TNRC6B: variants seen among roughly 807,000 people sequenced by gnomAD.
The protein encoded by TNRC6B is trinucleotide repeat containing adaptor 6B.
In TNRC6B, 52 loss-of-function variants were observed where a neutral mutation model predicts 203.6. The ratio of observed to expected loss-of-function variants is 0.26; its 90% CI spans 0.20 to 0.32. The LOEUF (loss-of-function observed/expected upper bound fraction) is 0.32. Among genes scored for constraint, TNRC6B ranks in the 10% least tolerant of loss-of-function variants. The probability of loss-of-function intolerance (pLI) is 1.00; values close to 1 mark genes in which losing one functional copy is unlikely to be tolerated. For synonymous variants in TNRC6B, 838 were observed against 845.7 expected (o/e 0.99, Z 0.16); for missense variants, 1,923 against 2,286.2 (o/e 0.84, Z 3.24).
intron 20 of TNRC6B, 95 bp downstream of exon 20, chr22:40,315,602 A>G: frequency 1.5e-6 from 2 of 1,351,144 alleles, no homozygotes; most frequent in Non-Finnish European, 2.0e-6. Flanking sequence ...TTCCCAAGAG[A>G]GGAAGTCATG....
chr22:40,078,326 A>G (rs1234568264), intron 1 of TNRC6B, among the ~76,000 whole-genome samples: 1 of 152,200 alleles, frequency 6.6e-6, no homozygotes, highest in Non-Finnish European at 1.5e-5. Context: ...GTTCAAGACC[A>G]GCCTGGGCAA....
chr22:40,113,211 G>T (rs1312626223), intron 1 of TNRC6B, among the ~76,000 whole-genome samples: 1 of 152,210 alleles, frequency 6.6e-6, no homozygotes, highest in African/African-American at 2.4e-5. Flanking sequence ...TGGACAGACA[G>T]TATTTTTACA....
chr22:40,150,756 A>T (rs2068744046), intron 3 of TNRC6B, among the ~76,000 whole-genome samples: 1 of 152,208 alleles, frequency 6.6e-6, no homozygotes, highest in African/African-American at 2.4e-5. Flanking sequence ...TGAAAGCCTG[A>T]CTTATATCTG....
At chr22:40,133,731 G>A (rs1036687302) in intron 3 of TNRC6B, among the ~76,000 whole-genome samples, 4 of 152,118 alleles carry the variant, frequency 2.6e-5, no homozygotes, top group African/African-American at 9.7e-5. Flanking sequence ...CACTTTGGGA[G>A]GCCGAGGCGA....
At position 40,125,848 on chromosome 22, in the gene TNRC6B, G is replaced by A. The variant is rs1197496714; in HGVS notation, c.31G>A (p.Glu11Lys). 3.1e-6 allele frequency: 5 copies of A among 1,612,624 alleles called. No homozygotes were observed. The Middle Eastern group carries it at 8.3e-4, about 266-fold the overall frequency. Reference sequence around the variant, plus strand: ...AACCAATGAGGGAGAAGTATCGGAAGAAAGCAGTTCCAAGGTCAGTAAATT... The same window carrying A: ...AACCAATGAGGGAGAAGTATCGGAAAAAAGCAGTTCCAAGGTCAGTAAATT... Residue 11 changes from glutamate to lysine, a missense_variant, in exon 3 of 24, where the codon GAA becomes AAA. Coordinates refer to the TNRC6B transcript ENST00000301923.
chr22:40,085,852 T>TG (rs1419585087), intron 1 of TNRC6B, among the ~76,000 whole-genome samples: 7 of 72,814 alleles, frequency 9.6e-5, no homozygotes, highest in Non-Finnish European at 1.7e-4. Context: ...TTGTTGCTGT[T>TG]GTTGTTGTTG....
intron 1 of TNRC6B, among the ~76,000 whole-genome samples, chr22:40,237,772 T>C (rs999518055): frequency 6.6e-6 from 1 of 152,138 alleles, no homozygotes; most frequent in Non-Finnish European, 1.5e-5. Context: ...AGATGCCCGC[T>C]ACGGACGCCT....
intron 1 of TNRC6B, among the ~76,000 whole-genome samples, chr22:40,100,314 T>C (rs113379469): frequency 0.057 from 8,655 of 151,780 alleles, 791 homozygotes; most frequent in African/African-American, 0.19. Flanking sequence ...GGTCTCGAAC[T>C]TCTGGCCTCA....
chr22:40,130,844 T>G (rs1445023449), intron 3 of TNRC6B, among the ~76,000 whole-genome samples: 2 of 144,910 alleles, frequency 1.4e-5, no homozygotes, highest in African/African-American at 5.2e-5. Flanking sequence ...GTTTACAAAA[T>G]ATCCAGGTAA....
chr22:40,280,157 T>G lies in TNRC6B; in HGVS notation c.3411+14T>G, dbSNP rs773883961. 1 of 1,609,148 alleles carries G rather than the reference T, an allele frequency of 6.2e-7. No individual in the cohort carries two copies. The stretch of plus-strand genomic sequence containing the variant: ...TATTTTGAGAAGGTGAGTTGAATCC[T>G]TTGTTTAAGATAATAATTCATGAGA... On this transcript the variant is annotated intron_variant, in intron 10 of 22. Coordinates refer to ENST00000454349, the MANE Select transcript of TNRC6B (RefSeq NM_001162501.2).
chr22:40,189,396 C>T (rs2069243383), intron 1 of TNRC6B, among the ~76,000 whole-genome samples: 1 of 151,656 alleles, frequency 6.6e-6, no homozygotes, highest in Non-Finnish European at 1.5e-5. Flanking sequence ...GAAGGCACAT[C>T]TCTCAACTAG....
chr22:40,260,076 C>T (rs538411858), intron 3 of TNRC6B, among the ~76,000 whole-genome samples: 3 of 151,858 alleles, frequency 2.0e-5, no homozygotes, highest in Non-Finnish European at 2.9e-5. Flanking sequence ...CACGGTTGCC[C>T]CGACATTCCC....
chr22:40,332,675 CAACAA>C lies in TNRC6B; in HGVS notation c.*9437_*9441del, dbSNP rs2043995676. On this transcript the variant is annotated 3_prime_UTR_variant, in exon 23 of 23. Transcript: ENST00000454349. ...TTAGATTGCCTTTAAACAAAAAAAA[CAACAA>C]AAAAATAAAATCCTGACGTTTCAAC... The C allele has an allele frequency of 6.6e-6, 1 of 152,254 alleles. No homozygotes were observed. The highest frequency in any genetic ancestry group is 6.6e-5 in the Admixed American group (1 of 15,246). The allele number at this position is 152,254 out of a possible 1,614,324, so 9.4% of individuals were successfully genotyped here.
At chr22:40,290,407 C>T (rs146922599) in intron 12 of TNRC6B, among the ~76,000 whole-genome samples, 210 of 152,296 alleles carry the variant, frequency 1.4e-3, no homozygotes, top group Non-Finnish European at 2.1e-3. Context: ...GCTGAGAATG[C>T]AAGGCAAAAG....
chr22:40,127,418 G>T (rs1391340260), intron 3 of TNRC6B, among the ~76,000 whole-genome samples: 2 of 152,006 alleles, frequency 1.3e-5, no homozygotes, highest in African/African-American at 4.8e-5. Context: ...CTGATGTAGG[G>T]TTAGTCAGAG....
At chr22:40,099,845 G>C (rs1456635683) in intron 1 of TNRC6B, among the ~76,000 whole-genome samples, 1 of 152,028 alleles carries the variant, frequency 6.6e-6, no homozygotes, top group Non-Finnish European at 1.5e-5. Flanking sequence ...CCGCCTCTCG[G>C]GCTCACGCCA....
rs34713834 is a variant in TNRC6B at position 40,331,860 on chromosome 22, G to T, written c.*8619G>T. The T allele has an allele frequency of 8.5e-6, 3 of 352,666 alleles. No individual in the cohort carries two copies. Among genetic ancestry groups the T allele is most frequent in the Non-Finnish European group, 1.0e-5 (2 of 195,394 alleles). 21.8% of individuals were successfully genotyped at this position (352,666 alleles called of 1,614,324 possible). A position where few individuals can be genotyped will look rare whatever the true frequency, so the allele number is the denominator to read the frequency against. ...CTGGAGGGGAAGGGGAGTGAGAGAC[G>T]AATGTGGTAAGGTCAGCACAGTGAG... On this transcript the variant is annotated 3_prime_UTR_variant, in exon 23 of 23. Coordinates refer to ENST00000454349, the MANE Select transcript of TNRC6B (RefSeq NM_001162501.2).
chr22:40,106,508 C>T, intron 1 of TNRC6B: 2 of 737,342 alleles, frequency 2.7e-6, no homozygotes, highest in South Asian at 2.7e-5. Context: ...GATCCTCCAG[C>T]AGATGATGCC....
chr22:40,146,403 CT>C (rs59426214), intron 3 of TNRC6B, among the ~76,000 whole-genome samples: 2 of 150,310 alleles, frequency 1.3e-5, no homozygotes, highest in African/African-American at 4.9e-5. Context: ...GAAATGCTGT[CT>C]TTTTTTTTGA....
Sources: gnomAD v4.1 joint callset for allele counts (sites outside exome capture counted in the v4.1 genomes callset) on GRCh38, gnomAD v4.1.1 for gene constraint, MANE v1.5 for transcripts, NCBI Gene and HGNC (gene_info 2026-07-23, HGNC 2026-07-21) for gene names.